ZHX3: variants seen among roughly 807,000 people sequenced by gnomAD.
ZHX3 encodes zinc fingers and homeoboxes 3, also known as zinc fingers and homeoboxes protein 3.
Under a neutral mutation model 64.5 loss-of-function variants are expected in ZHX3, and 20 were observed. The ratio of observed to expected loss-of-function variants is 0.31; its 90% CI spans 0.22 to 0.45. ZHX3 has a LOEUF of 0.45. Ranked by LOEUF, ZHX3 falls within the 20% of genes least tolerant of loss-of-function variation. The probability of loss-of-function intolerance (pLI) is 1.00; values close to 1 mark genes in which losing one functional copy is unlikely to be tolerated. For synonymous variants in ZHX3, 423 were observed against 461.6 expected (o/e 0.92, Z 1.07); for missense variants, 1,041 against 1,195.8 (o/e 0.87, Z 1.91).
chr20:41,220,679 T>C (rs1413294616), intron 2 of ZHX3, among the ~76,000 whole-genome samples: 1 of 151,988 alleles, frequency 6.6e-6, no homozygotes, highest in Non-Finnish European at 1.5e-5. Flanking sequence ...TTGGTTTTTT[T>C]TGTTTTGTTT....
intron 2 of ZHX3, among the ~76,000 whole-genome samples, chr20:41,249,089 C>A (rs889638725): frequency 6.6e-6 from 1 of 152,190 alleles, no homozygotes; most frequent in African/African-American, 2.4e-5. Context: ...ATTTCTCACT[C>A]TGATTTTTTT....
chr20:41,230,863 A>T (rs2040562393), intron 2 of ZHX3, among the ~76,000 whole-genome samples: 2 of 152,186 alleles, frequency 1.3e-5, no homozygotes, highest in Non-Finnish European at 2.9e-5. Context: ...ATCTACACTG[A>T]CACATCATTA....
At chr20:41,302,128 T>A (rs903746419) in intron 1 of ZHX3, among the ~76,000 whole-genome samples, 7 of 149,994 alleles carry the variant, frequency 4.7e-5, no homozygotes, top group Admixed American at 2.0e-4. Context: ...GCCCAACGGT[T>A]TACCTCAAAT....
chr20:41,241,349 GGATT>G (rs771321078), intron 2 of ZHX3, among the ~76,000 whole-genome samples: 14 of 151,914 alleles, frequency 9.2e-5, no homozygotes, highest in African/African-American at 3.4e-4. Flanking sequence ...ATTTTTAATG[GGATT>G]ATTAGATTTT....
chr20:41,316,656 C>T (rs1173055775), intron 1 of ZHX3, among the ~76,000 whole-genome samples: 2 of 152,176 alleles, frequency 1.3e-5, no homozygotes, highest in African/African-American at 2.4e-5. Flanking sequence ...ACTCCCCCAC[C>T]CCAAGTCACA....
chr20:41,261,898 C>T (rs1048004455), intron 2 of ZHX3, among the ~76,000 whole-genome samples: 1 of 152,136 alleles, frequency 6.6e-6, no homozygotes, highest in Middle Eastern at 3.2e-3. Flanking sequence ...TTCAACAAGT[C>T]CTAAAATAAA....
chr20:41,302,033 G>A (rs1210957516), intron 1 of ZHX3, among the ~76,000 whole-genome samples: 3 of 129,760 alleles, frequency 2.3e-5, no homozygotes, highest in Non-Finnish European at 3.1e-5. Flanking sequence ...CAGCCTGGGC[G>A]ACGGAGCGAG....
intron 2 of ZHX3, among the ~76,000 whole-genome samples, chr20:41,265,790 A>G (rs1457115331): frequency 1.3e-5 from 2 of 152,242 alleles, no homozygotes; most frequent in Non-Finnish European, 2.9e-5. Flanking sequence ...AAGTATTACT[A>G]TTAACCGTTC....
Position 41,291,180 on chromosome 20 carries a change from CT to C in ZHX3, c.-244-22098del, listed in dbSNP as rs570247071. Among the ~76,000 whole-genome samples the C allele has an allele frequency of 2.8e-3, 421 of 152,256 alleles. 3 individuals carry two copies. The highest frequency in any genetic ancestry group is 0.015 in the South Asian group (73 of 4,818). ...CACGGAGCTGAGATGTGAACTCAGA[CT>C]TTTTCCCCCATGCAGTGTTCTTTCC... On this transcript the variant is annotated intron_variant, in intron 1 of 3. Coordinates refer to ENST00000683867, the MANE Select transcript of ZHX3 (RefSeq NM_001384317.1).
chr20:41,277,419 T>C (rs757141736), intron 1 of ZHX3, among the ~76,000 whole-genome samples: 5 of 152,174 alleles, frequency 3.3e-5, no homozygotes, highest in Non-Finnish European at 4.4e-5. Flanking sequence ...GGCTAATATT[T>C]TGAGAAAAAG....
rs891200855 is a variant in ZHX3, at chr20:41,183,735, G to C, written c.*1456C>G. 6.6e-6 allele frequency: 1 copy of C among 152,226 alleles called. No individual in the cohort carries two copies. Among genetic ancestry groups the C allele is most frequent in the Admixed American group, 6.5e-5 (1 of 15,274 alleles). 9.4% of individuals were successfully genotyped at this position (152,226 alleles called of 1,614,324 possible). A position where few individuals can be genotyped will look rare whatever the true frequency, so the allele number is the denominator to read the frequency against. Reference sequence around the variant, plus strand: ...AGCAGGTGGTTTCTAAGAAATGAGCGGAGCTACAGGTGGACAGGTCTTTAG... The same window carrying C: ...AGCAGGTGGTTTCTAAGAAATGAGCCGAGCTACAGGTGGACAGGTCTTTAG... On this transcript the variant is annotated 3_prime_UTR_variant, in exon 4 of 4. Coordinates refer to ENST00000683867, the MANE Select transcript of ZHX3 (RefSeq NM_001384317.1). This position sits in a 1 kb window ranked among gnomAD's most constrained non-coding sequence, Gnocchi z 5.3.
intron 1 of ZHX3, among the ~76,000 whole-genome samples, chr20:41,293,830 G>C (rs969237355): frequency 6.6e-6 from 1 of 152,242 alleles, no homozygotes; most frequent in African/African-American, 2.4e-5. Flanking sequence ...TTCTACAAAT[G>C]TGTTTTTGAG....
chr20:41,306,054 A>G (rs1320633291), intron 1 of ZHX3, among the ~76,000 whole-genome samples: 1 of 152,170 alleles, frequency 6.6e-6, no homozygotes, highest in African/African-American at 2.4e-5. Flanking sequence ...AATAAAGCCA[A>G]TATGTATTAA....
rs1367982723 is a variant in ZHX3 at position 41,212,797 on chromosome 20, C to CA, written c.-150-7732dup. Among the ~76,000 whole-genome samples, 1,012 of 123,716 alleles carry CA rather than the reference C, an allele frequency of 8.2e-3. 10 individuals carry two copies. Among genetic ancestry groups the CA allele is most frequent in the African/African-American group, 0.024 (816 of 33,772 alleles). The allele number at this position is 123,716 out of a possible 152,430, so 81.2% of individuals were successfully genotyped here. On this transcript the variant is annotated intron_variant, in intron 2 of 3. Transcript: ENST00000683867. This position sits in a 1 kb window ranked among gnomAD's most constrained non-coding sequence, Gnocchi z 4.3. ...GGGCAACAAGAGCTAAACTGTGTCT[C>CA]AAAAAAAAAAAACCAAAAACAAAAC...
rs2038235278 is a variant in ZHX3 at position 41,201,743 on chromosome 20, AGG to A, written c.2860+312_2860+313del. ...GTGGCTGTGGATCTGCCCGACTCAG[AGG>A]ATGTTTTGACCTGTTCTCCTATTGC... On this transcript the variant is annotated intron_variant, in intron 3 of 3. Transcript: ENST00000683867. The surrounding 1 kb of genome is among the most constrained non-coding windows in gnomAD (Gnocchi z 5.0). Among the ~76,000 whole-genome samples the A allele has an allele frequency of 6.6e-6, 1 of 152,188 alleles. No individual in the cohort carries two copies. The highest frequency in any genetic ancestry group is 1.5e-5 in the Non-Finnish European group (1 of 68,032).
chr20:41,251,455 A>T (rs1000782300), intron 2 of ZHX3, among the ~76,000 whole-genome samples: 1 of 152,218 alleles, frequency 6.6e-6, no homozygotes, highest in Non-Finnish European at 1.5e-5. Context: ...ATACACTAAA[A>T]AAACTATTAG....
chr20:41,213,279 G>A (rs2039294321), intron 2 of ZHX3, among the ~76,000 whole-genome samples: 1 of 152,162 alleles, frequency 6.6e-6, no homozygotes, highest in African/African-American at 2.4e-5. Context: ...GGGGATGGCT[G>A]CACAACTCTG....
chr20:41,246,227 T>C (rs572509382), intron 2 of ZHX3, among the ~76,000 whole-genome samples: 110 of 152,292 alleles, frequency 7.2e-4, no homozygotes, highest in Non-Finnish European at 1.3e-3. Context: ...TCAGATATAA[T>C]ACTAAAAGGT....
intron 1 of ZHX3, among the ~76,000 whole-genome samples, chr20:41,276,474 C>A (rs1220510579): frequency 6.6e-6 from 1 of 152,202 alleles, no homozygotes; most frequent in African/African-American, 2.4e-5. Flanking sequence ...GGTCTCAAAA[C>A]AACTGCTGTG....
Sources: allele counts gnomAD v4.1 joint callset (sites outside exome capture counted in the v4.1 genomes callset), GRCh38; gene constraint gnomAD v4.1.1; non-coding constraint Gnocchi (gnomAD v3.1); transcripts MANE v1.5; gene names NCBI Gene and HGNC (gene_info 2026-07-23, HGNC 2026-07-21).